DAB1: variants seen among roughly 807,000 people sequenced by gnomAD.
The protein encoded by DAB1 is DAB adaptor protein 1, also known as disabled homolog 1.
A neutral mutation model predicts 64.6 loss-of-function variants in DAB1; 15 were observed. That is an observed-to-expected ratio of 0.23 (90% CI 0.16 to 0.36). DAB1 has a LOEUF of 0.36. Among genes scored for constraint, DAB1 ranks in the 10% least tolerant of loss-of-function variants. The pLI, the probability that DAB1 is intolerant of heterozygous loss-of-function variation, is 1.00. For missense variants in DAB1, 596 were observed against 706.7 expected (o/e 0.84, Z 1.78); for synonymous variants, 235 against 251.9 (o/e 0.93, Z 0.64).
intron 2 of DAB1, among the ~76,000 whole-genome samples, chr1:58,520,291 G>T (rs1220850069): frequency 6.6e-6 from 1 of 152,114 alleles, no homozygotes; most frequent in Admixed American, 6.5e-5. Context: ...CAGAATGAAA[G>T]AAAACACTTG....
At chr1:57,159,917 A>G (rs1660591462) in intron 2 of DAB1, among the ~76,000 whole-genome samples, 1 of 151,772 alleles carries the variant, frequency 6.6e-6, no homozygotes, top group African/African-American at 2.4e-5. Context: ...AGACAGCTAT[A>G]ATCATCAGTT....
intron 5 of DAB1, among the ~76,000 whole-genome samples, chr1:58,147,338 G>A (rs367695457): frequency 1.4e-4 from 18 of 126,798 alleles, no homozygotes; most frequent in Non-Finnish European, 1.8e-4. Flanking sequence ...GTACAGCCAC[G>A]CCAGGCGTGG....
intron 7 of DAB1, among the ~76,000 whole-genome samples, chr1:57,448,794 ACAG>A (rs1686243749): frequency 6.6e-6 from 1 of 151,146 alleles, no homozygotes; most frequent in Admixed American, 6.6e-5. Context: ...ACACACACAC[ACAG>A]ATGCACACAC....
chr1:57,388,708 G>A (rs1329097806), intron 1 of DAB1, among the ~76,000 whole-genome samples: 4 of 152,080 alleles, frequency 2.6e-5, no homozygotes. Flanking sequence ...CAGACCTTTT[G>A]GAAGTGAGCT....
intron 4 of DAB1, among the ~76,000 whole-genome samples, chr1:57,110,024 C>T (rs962584846): frequency 6.6e-6 from 1 of 152,128 alleles, no homozygotes; most frequent in Non-Finnish European, 1.5e-5. Context: ...GGCTTTGTGA[C>T]ACAGGAGACA....
chr1:57,123,577 C>T (rs1656862049), intron 4 of DAB1, among the ~76,000 whole-genome samples: 1 of 152,076 alleles, frequency 6.6e-6, no homozygotes. Flanking sequence ...AAAATATCCA[C>T]ACATGTTGAC....
chr1:58,179,628 C>G (rs139958200), intron 4 of DAB1, among the ~76,000 whole-genome samples: 6 of 152,042 alleles, frequency 3.9e-5, no homozygotes, highest in African/African-American at 1.4e-4. Flanking sequence ...TAAAGTTGTT[C>G]ATAGAATTCC....
rs574534045 is a variant in DAB1 at position 57,854,375 on chromosome 1, G to C, written n.88-27920C>G. Among the ~76,000 whole-genome samples, 3 of 152,304 alleles carry C rather than the reference G, an allele frequency of 2.0e-5. No individual in the cohort carries two copies. In the South Asian group the frequency reaches 6.2e-4, roughly 32 times the overall value. ...CCTATGGGTCTGTTTCTGCAGAAAG[G>C]GGGAGTGTGAATGTCACCATTGTGA... On this transcript the variant is annotated intron_variant and non_coding_transcript_variant, in intron 1 of 1. Coordinates refer to the DAB1 transcript ENST00000477280.
At position 57,224,603 on chromosome 1, in the gene DAB1, G is replaced by A. The variant is rs140917910; in HGVS notation, c.67+66361C>T. Among the ~76,000 whole-genome samples, 174 of 152,344 alleles carry A rather than the reference G, an allele frequency of 1.1e-3. 1 individual carries two copies. The East Asian group carries it at 0.023, about 20-fold the overall frequency. ...CAAAGTTTCTGTGTTCCTCTGAACA[G>A]CATCTCCCTTTGGGGAAGGTCTGGA... On this transcript the variant is annotated intron_variant, in intron 2 of 14. Coordinates refer to ENST00000371236, the MANE Select transcript of DAB1 (RefSeq NM_001365792.1).
At chr1:57,059,374 G>T (rs917469483) in intron 9 of DAB1, among the ~76,000 whole-genome samples, 1 of 152,150 alleles carries the variant, frequency 6.6e-6, no homozygotes, top group Non-Finnish European at 1.5e-5. Flanking sequence ...ATGAAACCAG[G>T]TGGAACCTAG....
At chr1:57,538,345 A>C (rs1249035611) in intron 7 of DAB1, among the ~76,000 whole-genome samples, 1 of 152,180 alleles carries the variant, frequency 6.6e-6, no homozygotes, top group Non-Finnish European at 1.5e-5. Flanking sequence ...TACTGGACAC[A>C]GTTGAGGAGA....
intron 4 of DAB1, among the ~76,000 whole-genome samples, chr1:57,082,013 A>G (rs1033248115): frequency 3.3e-5 from 5 of 152,194 alleles, no homozygotes; most frequent in African/African-American, 1.2e-4. Context: ...AGCACTGTTC[A>G]CCAAAAGGAC....
In DAB1 at chr1:58,248,431, G is replaced by A. The variant is rs559588128; in HGVS notation, n.309+94921C>T. ...ACCCTTGTCAGGTCACTGGTGGAGAGACTGGGGCCCCACGTCGCTAAATGC... is the reference window on the plus strand; with the variant it reads ...ACCCTTGTCAGGTCACTGGTGGAGAAACTGGGGCCCCACGTCGCTAAATGC... On this transcript the variant is annotated intron_variant and non_coding_transcript_variant, in intron 4 of 20. Transcript: ENST00000485760. Among the ~76,000 whole-genome samples, 4 of 152,294 alleles carry A rather than the reference G, an allele frequency of 2.6e-5. No individual in the cohort carries two copies. The South Asian group carries it at 6.2e-4, about 24-fold the overall frequency.
At chr1:58,454,179 T>C (rs1386886070) in intron 3 of DAB1, among the ~76,000 whole-genome samples, 1 of 152,118 alleles carries the variant, frequency 6.6e-6, no homozygotes, top group Non-Finnish European at 1.5e-5. Flanking sequence ...CGGGATCAAA[T>C]GGCCTATGAG....
At chr1:58,441,245 G>A (rs1645004759) in intron 3 of DAB1, among the ~76,000 whole-genome samples, 1 of 152,200 alleles carries the variant, frequency 6.6e-6, no homozygotes, top group African/African-American at 2.4e-5. Flanking sequence ...AACTCAGAAT[G>A]TCTGCTCTAA....
intron 1 of DAB1, among the ~76,000 whole-genome samples, chr1:57,399,980 G>A (rs1041574224): frequency 6.6e-6 from 1 of 152,186 alleles, no homozygotes. Flanking sequence ...AAAGGTTGGG[G>A]TACTCACTCA....
At chr1:58,158,209 A>T (rs947665482) in intron 4 of DAB1, among the ~76,000 whole-genome samples, 2 of 152,158 alleles carry the variant, frequency 1.3e-5, no homozygotes, top group Non-Finnish European at 2.9e-5. Flanking sequence ...AACAGAGCTC[A>T]GATTATCTAT....
chr1:57,972,855 A>G (rs559890281), intron 5 of DAB1, among the ~76,000 whole-genome samples: 6 of 152,220 alleles, frequency 3.9e-5, no homozygotes, highest in Non-Finnish European at 5.9e-5. Context: ...ATATGTACAC[A>G]TGTTCCTGAG....
At chr1:57,840,405 G>A (rs1319055072) in intron 1 of DAB1, among the ~76,000 whole-genome samples, 1 of 152,108 alleles carries the variant, frequency 6.6e-6, no homozygotes, top group African/African-American at 2.4e-5. Context: ...AGGCATAGAA[G>A]TGTGAAAAAA....
Sources: allele counts gnomAD v4.1 joint callset (sites outside exome capture counted in the v4.1 genomes callset), GRCh38; gene constraint gnomAD v4.1.1; transcripts MANE v1.5; gene names NCBI Gene and HGNC (gene_info 2026-07-23, HGNC 2026-07-21).